Variants in PARP4 observed in about 807,000 individuals in gnomAD.
The protein encoded by PARP4 is protein mono-ADP-ribosyltransferase PARP4.
Under a neutral mutation model 187.7 loss-of-function variants are expected in PARP4, and 120 were observed. That is an observed-to-expected ratio of 0.64 (90% CI 0.55 to 0.74). PARP4 has a LOEUF of 0.74. Ranked by LOEUF, PARP4 falls within the 30% of genes least tolerant of loss-of-function variation. PARP4 has a pLI of 0.00. For missense variants in PARP4, 1,836 were observed against 2,070.5 expected, an observed-to-expected ratio of 0.89 and a Z score of 2.20; for synonymous variants, 654 against 740.9, an observed-to-expected ratio of 0.88 and a Z score of 1.90.
intron 1 of PARP4, among the ~76,000 whole-genome samples, chr13:24,508,235 G>A (rs1326762701): frequency 1.3e-5 from 2 of 152,050 alleles, no homozygotes; most frequent in Non-Finnish European, 2.9e-5. Flanking sequence ...TTCCAGGACA[G>A]CCTCTATGTG....
chr13:24,495,517 C>A (rs1485607712), intron 6 of PARP4, among the ~76,000 whole-genome samples: 1 of 152,178 alleles, frequency 6.6e-6, no homozygotes, highest in Non-Finnish European at 1.5e-5. Flanking sequence ...GGCTCCAGCT[C>A]CTCCCTCATC....
intron 30 of PARP4, 83 bp downstream of exon 30, chr13:24,441,763 G>A (rs1870935339): frequency 3.2e-6 from 4 of 1,248,102 alleles, no homozygotes; most frequent in Non-Finnish European, 4.5e-6. Flanking sequence ...AGGTAAGAAG[G>A]GAGCTATTTT....
Position 24,498,180 on chromosome 13 carries a change from G to A in PARP4, c.527C>T (p.Ser176Leu), listed in dbSNP as rs372500814. 1.7e-5 allele frequency: 27 copies of A among 1,613,590 alleles called. No individual in the cohort carries two copies. In the Admixed American group the frequency reaches 1.8e-4, roughly 11 times the overall value. The change falls in exon 6 of 34, where the codon TCG becomes TTG. Residue 176 changes from serine (S) to leucine (L), a missense_variant. Coordinates refer to ENST00000381989, the MANE Select transcript of PARP4 (RefSeq NM_006437.4). ...GAAAGGACAGTCCCTGGAGTCCCGC[G>A]AACACTGAAGCTCCACCACCACAGC... is the stretch of plus-strand genomic sequence containing the variant. ...QEAVVVELQC[S>L]RDSRDCPFLI...
At position 24,443,699 on chromosome 13, in the gene PARP4, A is replaced by G; in HGVS notation, c.3398T>C (p.Ile1133Thr). Residue 1133 changes from isoleucine (I) to threonine (T), a missense_variant, in exon 28 of 34, where the codon ATC (isoleucine) becomes ACC (threonine). Physicochemically the swap from Ile to Thr is moderately conservative, Grantham distance 89. Around this residue, in one of 8 missense-constraint regions of PARP4, gnomAD observed 56 missense variants for 56.6 expected, o/e 0.99. Coordinates refer to ENST00000381989, the MANE Select transcript of PARP4 (RefSeq NM_006437.4). ...AAGAATGCCATCTTCATAATCTCTG[A>G]TTAGAGCTCGGGCTGCCAGCTTGTG... ...MIHKLAARAL[I>T]RDYEDGILHE... is the part of the protein sequence containing the mutation. The G allele has an allele frequency of 6.2e-7, 1 of 1,613,930 alleles. No homozygotes were observed. The highest frequency in any genetic ancestry group is 8.5e-7 in the Non-Finnish European group (1 of 1,179,800).
intron 32 of PARP4, among the ~76,000 whole-genome samples, chr13:24,427,309 T>C (rs1011926092): frequency 1.5e-4 from 23 of 152,130 alleles, no homozygotes; most frequent in African/African-American, 4.6e-4. Context: ...AATTGAAAAA[T>C]GAATGTTTAC....
rs770872576 is a variant in PARP4 at position 24,501,677 on chromosome 13, G to A, written c.290C>T (p.Pro97Leu). The A allele has an allele frequency of 1.9e-6, 3 of 1,613,276 alleles. No individual in the cohort carries two copies. Among genetic ancestry groups the A allele is most frequent in the Admixed American group, 1.7e-5 (1 of 60,004 alleles). The change falls in exon 3 of 34, where the codon CCC becomes CTC. Residue 97 changes from proline (P) to leucine (L), a missense_variant. Pro to Leu is a moderately conservative substitution (Grantham distance 98). Transcript: ENST00000381989. ...LDVKNYDPYK[P>L]LDITPPPDQK... is the part of the protein sequence containing the mutation. ...ATCAGGAGGTGGTGTGATGTCCAGG[G>A]GCTTATAAGGATCATAATTCTTTAC... is the stretch of plus-strand genomic sequence containing the variant.
At chr13:24,472,392 A>G (rs997123836) in intron 15 of PARP4, among the ~76,000 whole-genome samples, 14 of 152,290 alleles carry the variant, frequency 9.2e-5, no homozygotes, top group Middle Eastern at 3.4e-3. Context: ...GAGTGGGCCC[A>G]GGGGTGGAGG....
chr13:24,478,373 T>C lies in PARP4; in HGVS notation c.1449-97A>G, dbSNP rs149912995. On this transcript the variant is annotated intron_variant, in intron 12 of 33. Coordinates refer to ENST00000381989, the MANE Select transcript of PARP4 (RefSeq NM_006437.4). ...CTTTCCTGGTAAACTGTTCTAAATTTTCCTATTATTGAAATATCTCCAAAG... is the reference window on the plus strand; with the variant it reads ...CTTTCCTGGTAAACTGTTCTAAATTCTCCTATTATTGAAATATCTCCAAAG... The C allele has an allele frequency of 5.6e-3, 3,982 of 709,720 alleles. 283 individuals are homozygous for C. In the Admixed American group the frequency reaches 0.12, roughly 22 times the overall value. The allele number at this position is 709,720 out of a possible 1,614,324, so 44.0% of individuals were successfully genotyped here. A position where few individuals can be genotyped will look rare whatever the true frequency, so the allele number is the denominator to read the frequency against.
chr13:24,458,470 A>G lies in PARP4; in HGVS notation c.2424+574T>C, dbSNP rs553550360. On this transcript the variant is annotated intron_variant, in intron 20 of 33. Coordinates refer to ENST00000381989, the MANE Select transcript of PARP4 (RefSeq NM_006437.4). ...CACAGGCCTGTAGCCCTAGCTACTC[A>G]GGAGCCTGAAGCAGGAGGGTTGTTT... Among the ~76,000 whole-genome samples, 4 of 151,918 alleles carry G rather than the reference A, an allele frequency of 2.6e-5. No individual in the cohort carries two copies. The South Asian group carries it at 6.2e-4, about 24-fold the overall frequency.
At position 24,420,957 on chromosome 13, in the gene PARP4, T is replaced by C. The variant is rs1371357227; in HGVS notation, c.*162A>G. The C allele has an allele frequency of 1.2e-6, 1 of 823,330 alleles. No individual in the cohort carries two copies. The highest frequency in any genetic ancestry group is 1.7e-6 in the Non-Finnish European group (1 of 590,956). 51.0% of individuals were successfully genotyped at this position (823,330 alleles called of 1,614,324 possible). A position where few individuals can be genotyped will look rare whatever the true frequency, so the allele number is the denominator to read the frequency against. ...ATTTTAAGTTTCATTTTATTATTGC[T>C]TGTTAGTTGATTAAAGTAATTCTTC... is the stretch of plus-strand genomic sequence containing the variant. On this transcript the variant is annotated 3_prime_UTR_variant, in exon 34 of 34. Transcript: ENST00000381989.
At chr13:24,499,597 C>T (rs1869163189) in intron 4 of PARP4, among the ~76,000 whole-genome samples, 1 of 152,146 alleles carries the variant, frequency 6.6e-6, no homozygotes, top group African/African-American at 2.4e-5. Flanking sequence ...TGCATAATCT[C>T]CAGCTCAGAT....
chr13:24,465,934 A>G (rs1159212800), intron 17 of PARP4, among the ~76,000 whole-genome samples: 3 of 151,958 alleles, frequency 2.0e-5, no homozygotes, highest in African/African-American at 7.3e-5. Flanking sequence ...GTTCTTACAT[A>G]TGAAGTAGTA....
chr13:24,423,695 T>C (rs2137426653), intron 33 of PARP4, among the ~76,000 whole-genome samples: 1 of 152,020 alleles, frequency 6.6e-6, no homozygotes, highest in South Asian at 2.1e-4. Context: ...TCTTTTTTTT[T>C]CAGACAGGGT....
chr13:24,440,824 G>A (rs1280859187), intron 30 of PARP4, among the ~76,000 whole-genome samples: 1 of 152,144 alleles, frequency 6.6e-6, no homozygotes, highest in Non-Finnish European at 1.5e-5. Context: ...GAATCTCATG[G>A]CAGTTTACAT....
chr13:24,491,757 T>C (rs1181042693), intron 9 of PARP4, among the ~76,000 whole-genome samples: 2 of 152,048 alleles, frequency 1.3e-5, no homozygotes, highest in African/African-American at 4.8e-5. Context: ...TCAGAGGAGA[T>C]GGCCCATTTC....
chr13:24,438,663 G>A (rs1225899364), intron 30 of PARP4, among the ~76,000 whole-genome samples: 5 of 152,220 alleles, frequency 3.3e-5, no homozygotes, highest in Non-Finnish European at 7.3e-5. Context: ...AAGCCCAGGC[G>A]TGGCTGTGGG....
intron 31 of PARP4, 106 bp from the exon 32 acceptor site, chr13:24,431,582 C>A: frequency 1.4e-6 from 1 of 725,240 alleles, no homozygotes; most frequent in East Asian, 2.7e-5. Context: ...AACATATTTT[C>A]ACTACTTGGG....
chr13:24,482,061 C>T (rs1473559825), intron 12 of PARP4, among the ~76,000 whole-genome samples: 1 of 152,206 alleles, frequency 6.6e-6, no homozygotes, highest in Admixed American at 6.5e-5. Context: ...TTTACTCTAA[C>T]TATCTTGGGT....
intron 31 of PARP4, among the ~76,000 whole-genome samples, chr13:24,432,019 A>T (rs1480274536): frequency 6.6e-6 from 1 of 152,132 alleles, no homozygotes; most frequent in African/African-American, 2.4e-5. Context: ...GAGCCACCAT[A>T]CCCGGCCGAG....
Sources: allele counts gnomAD v4.1 joint callset (sites outside exome capture counted in the v4.1 genomes callset), GRCh38; gene constraint gnomAD v4.1.1; regional missense constraint gnomAD v4.1.1; transcripts MANE v1.5; gene names NCBI Gene and HGNC (gene_info 2026-07-23, HGNC 2026-07-21).